The following PIK3CB variants were observed in gnomAD, a reference collection of about 807,000 sequenced individuals.
PIK3CB encodes the protein phosphatidylinositol-4,5-bisphosphate 3-kinase catalytic subunit beta, also known as phosphatidylinositol 4,5-bisphosphate 3-kinase catalytic subunit beta isoform.
Under a neutral mutation model 136.8 loss-of-function variants are expected in PIK3CB, and 39 were observed. That is an observed-to-expected ratio of 0.29 (90% confidence interval 0.22 to 0.37). The LOEUF is 0.37. Ranked by LOEUF, PIK3CB falls within the 10% of genes least tolerant of loss-of-function variation. The pLI is 1.00. For missense variants in PIK3CB, 868 were observed against 1,275.4 expected (o/e 0.68, Z 4.87); for synonymous variants, 428 against 436.6 (o/e 0.98, Z 0.25).
In PIK3CB at chr3:138,826,080, G is replaced by C. The variant is rs1933771903; in HGVS notation, c.-122+8615C>G. On this transcript the variant is annotated intron_variant, in intron 1 of 23. Transcript: ENST00000674063. ...TTTGCTGACCTGAAGGAAAAAGATT[G>C]ATCACCATTCTAGTAAGAAGCTGGA... is the stretch of plus-strand genomic sequence containing the variant. 6.4e-6 allele frequency: 7 copies of C among 1,094,692 alleles called. No individual in the cohort carries two copies. The Admixed American group carries it at 7.6e-5, about 12-fold the overall frequency. 67.8% of individuals were successfully genotyped at this position (1,094,692 alleles called of 1,614,324 possible).
chr3:138,668,670 T>C (rs1001028282), intron 19 of PIK3CB, among the ~76,000 whole-genome samples: 2 of 152,226 alleles, frequency 1.3e-5, no homozygotes, highest in Non-Finnish European at 2.9e-5. Context: ...TAGCAAGTTA[T>C]CTGGCTTTAA....
intron 1 of PIK3CB, among the ~76,000 whole-genome samples, chr3:138,818,354 T>G (rs1234458906): frequency 6.6e-6 from 1 of 152,190 alleles, no homozygotes; most frequent in Non-Finnish European, 1.5e-5. Flanking sequence ...AACAAAGAAC[T>G]GTGTCATCAA....
At chr3:138,655,733 AAAT>A (rs2043180217) in intron 23 of PIK3CB, among the ~76,000 whole-genome samples, 1 of 152,170 alleles carries the variant, frequency 6.6e-6, no homozygotes, top group South Asian at 2.1e-4. Context: ...TTGAAGATGA[AAAT>A]AATTTATAAT....
At position 138,763,007 on chromosome 3, in the gene PIK3CB, A is replaced by G. The variant is rs928529424; in HGVS notation, c.-16-3648T>C. ...AAAAATATATATATATACTTTGCTT[A>G]TATTCAAATACCACCATGCAAAGAC... On this transcript the variant is annotated intron_variant, in intron 2 of 23. Coordinates refer to ENST00000674063, the MANE Select transcript of PIK3CB (RefSeq NM_006219.3). 4.6e-5 allele frequency among the ~76,000 whole-genome samples: 7 copies of G among 152,238 alleles called. No homozygotes were observed. In the South Asian group the frequency reaches 6.2e-4, roughly 14 times the overall value.
chr3:138,833,221 C>G (rs1267997475), intron 1 of PIK3CB, among the ~76,000 whole-genome samples: 5 of 151,752 alleles, frequency 3.3e-5, no homozygotes, highest in Non-Finnish European at 7.4e-5. Flanking sequence ...CGCCCGCCAC[C>G]ACGCCCTGCT....
intron 2 of PIK3CB, among the ~76,000 whole-genome samples, chr3:138,776,855 G>A (rs1240994298): frequency 1.3e-5 from 2 of 148,996 alleles, no homozygotes; most frequent in East Asian, 3.9e-4. Flanking sequence ...CCTGGGAAGC[G>A]GACATTGCAG....
chr3:138,763,940 G>A (rs1460657644), intron 2 of PIK3CB, among the ~76,000 whole-genome samples: 2 of 150,932 alleles, frequency 1.3e-5, no homozygotes, highest in African/African-American at 2.4e-5. Flanking sequence ...GTGAAAACCC[G>A]TCTCTGTTAA....
At chr3:138,764,377 G>A (rs2108748128) in intron 2 of PIK3CB, among the ~76,000 whole-genome samples, 1 of 152,160 alleles carries the variant, frequency 6.6e-6, no homozygotes, top group East Asian at 1.9e-4. Flanking sequence ...CTTGAGCCCA[G>A]GAGGCTGAGG....
intron 1 of PIK3CB, among the ~76,000 whole-genome samples, chr3:138,830,197 A>T (rs1559895519): frequency 1.3e-5 from 2 of 152,102 alleles, no homozygotes. Context: ...ACATAATGTG[A>T]TTTTCTAGTA....
intron 19 of PIK3CB, among the ~76,000 whole-genome samples, chr3:138,672,869 G>A (rs969903184): frequency 1.4e-5 from 2 of 145,438 alleles, no homozygotes; most frequent in Non-Finnish European, 3.0e-5. Context: ...CCAAGATCGT[G>A]CCACTGCACT....
intron 4 of PIK3CB, among the ~76,000 whole-genome samples, chr3:138,754,358 C>T (rs2045526121): frequency 6.6e-6 from 1 of 151,872 alleles, no homozygotes. Context: ...GGATCGCTTG[C>T]GACTGAGGGT....
chr3:138,710,735 A>G (rs1389428167), intron 10 of PIK3CB, among the ~76,000 whole-genome samples: 1 of 152,200 alleles, frequency 6.6e-6, no homozygotes, highest in Non-Finnish European at 1.5e-5. Context: ...TGAGAAATAA[A>G]AGCGTGTGGA....
chr3:138,734,533 A>C, intron 7 of PIK3CB, 101 bp downstream of exon 7: 1 of 789,380 alleles, frequency 1.3e-6, no homozygotes, highest in Non-Finnish European at 1.9e-6. Context: ...ATTGGTTTTC[A>C]CAGAAGGAGA....
chr3:138,831,570 G>A (rs868374463), intron 1 of PIK3CB, among the ~76,000 whole-genome samples: 2 of 149,878 alleles, frequency 1.3e-5, no homozygotes, highest in African/African-American at 4.9e-5. Context: ...GGGCAACAAG[G>A]GCAAAACTCA....
In PIK3CB at chr3:138,705,189, AC is replaced by A. The variant is rs60660285; in HGVS notation, c.1531-697del. Among the ~76,000 whole-genome samples the A allele has an allele frequency of 1.4e-3, 117 of 82,592 alleles. 10 individuals are homozygous for A. The highest frequency in any genetic ancestry group is 3.6e-3 in the African/African-American group (56 of 15,744). 54.2% of individuals were successfully genotyped at this position (82,592 alleles called of 152,430 possible). On this transcript the variant is annotated intron_variant, in intron 11 of 23. Transcript: ENST00000674063. ...AAAAAAAAAACAAAAAACAAAACAA[AC>A]AAAAAAAAAAACTTATATTTGCAAA...
At chr3:138,706,945 T>C (rs1255890505) in intron 11 of PIK3CB, among the ~76,000 whole-genome samples, 1 of 152,172 alleles carries the variant, frequency 6.6e-6, no homozygotes, top group Non-Finnish European at 1.5e-5. Flanking sequence ...CGTGAACCAC[T>C]GCGCCCGGCC....
chr3:138,830,637 C>T (rs529962776), intron 1 of PIK3CB, among the ~76,000 whole-genome samples: 1 of 152,106 alleles, frequency 6.6e-6, no homozygotes, highest in East Asian at 1.9e-4. Context: ...GAGTGGATGA[C>T]GCCTGTAATC....
At chr3:138,806,422 T>A (rs140880493) in intron 1 of PIK3CB, among the ~76,000 whole-genome samples, 41 of 152,008 alleles carry the variant, frequency 2.7e-4, no homozygotes, top group African/African-American at 9.4e-4. Context: ...GAGGCAGAGG[T>A]TGTAGTGAGC....
At chr3:138,719,565 T>G (rs1228522117) in intron 8 of PIK3CB, among the ~76,000 whole-genome samples, 1 of 152,114 alleles carries the variant, frequency 6.6e-6, no homozygotes, top group Admixed American at 6.6e-5. Context: ...AATAGAACAC[T>G]AGAAAGAATA....
Sources: allele counts gnomAD v4.1 joint callset (sites outside exome capture counted in the v4.1 genomes callset), GRCh38; gene constraint gnomAD v4.1.1; transcripts MANE v1.5; gene names NCBI Gene and HGNC (gene_info 2026-07-23, HGNC 2026-07-21).